The following RABEP1 variants were observed in gnomAD, a reference collection of about 807,000 sequenced individuals.
RABEP1 encodes the protein rab GTPase-binding effector protein 1.
In RABEP1, 51 loss-of-function variants were observed where a neutral mutation model predicts 123.4. The observed-to-expected ratio is 0.41, with a 90% CI of 0.33 to 0.52. The LOEUF is 0.52. RABEP1 is among the 20% of genes least tolerant of loss of function. RABEP1 has a pLI of 0.16. For synonymous variants in RABEP1, 347 were observed against 355.2 expected, an observed-to-expected ratio of 0.98 and a Z score of 0.26; for missense variants, 888 against 996.3, an observed-to-expected ratio of 0.89 and a Z score of 1.46.
At chr17:5,334,311 A>T (rs1299393756) in intron 3 of RABEP1, among the ~76,000 whole-genome samples, 1 of 151,730 alleles carries the variant, frequency 6.6e-6, no homozygotes. Flanking sequence ...GGCTCACTGC[A>T]ACCTCTGCCT....
intron 1 of RABEP1, among the ~76,000 whole-genome samples, chr17:5,282,821 G>T (rs538018738): frequency 1.1e-3 from 163 of 151,792 alleles, no homozygotes; most frequent in African/African-American, 3.6e-3. Flanking sequence ...TCTGGGTAGC[G>T]GGGGACCGGC....
At chr17:5,315,812 A>G (rs1328838926) in intron 2 of RABEP1, among the ~76,000 whole-genome samples, 4 of 152,204 alleles carry the variant, frequency 2.6e-5, no homozygotes, top group Non-Finnish European at 5.9e-5. Context: ...AAATTGCAGC[A>G]CTGCACTCCA....
chr17:5,365,780 C>T lies in RABEP1; in HGVS notation c.1785+542C>T, dbSNP rs548809050. Among the ~76,000 whole-genome samples the T allele has an allele frequency of 7.2e-5, 11 of 152,312 alleles. No homozygotes were observed. In the South Asian group the frequency reaches 8.3e-4, roughly 11 times the overall value. ...TTTAACTTTAGAAAATGAAGCCATA[C>T]GTTCTGTGTTCTTTTGCGTCTGTGT... is the stretch of plus-strand genomic sequence containing the variant. On this transcript the variant is annotated intron_variant, in intron 11 of 17. Coordinates refer to ENST00000537505, the MANE Select transcript of RABEP1 (RefSeq NM_004703.6).
At chr17:5,331,488 A>G (rs1906542035) in intron 2 of RABEP1, among the ~76,000 whole-genome samples, 3 of 152,216 alleles carry the variant, frequency 2.0e-5, no homozygotes, top group Non-Finnish European at 4.4e-5. Context: ...GAGCCGAGAA[A>G]TTAATGCTAA....
At chr17:5,375,478 G>A (rs1485215285) in intron 13 of RABEP1, among the ~76,000 whole-genome samples, 1 of 152,078 alleles carries the variant, frequency 6.6e-6, no homozygotes, top group Non-Finnish European at 1.5e-5. Flanking sequence ...GATTGCTTGA[G>A]GTCAGGAGTT....
At chr17:5,359,841 A>G (rs1909344980) in intron 8 of RABEP1, among the ~76,000 whole-genome samples, 1 of 152,208 alleles carries the variant, frequency 6.6e-6, no homozygotes, top group Non-Finnish European at 1.5e-5. Flanking sequence ...GTTGGAAGGA[A>G]AACTTGTTAC....
intron 11 of RABEP1, among the ~76,000 whole-genome samples, chr17:5,367,415 GCACC>G (rs1567547966): frequency 2.7e-5 from 4 of 150,346 alleles, no homozygotes; most frequent in Non-Finnish European, 3.0e-5. Flanking sequence ...GGGACTACAG[GCACC>G]CGCCACCACG....
Position 5,368,481 on chromosome 17 carries a change from T to A in RABEP1, c.1884+13T>A. 6.4e-7 allele frequency: 1 copy of A among 1,565,972 alleles called. No individual in the cohort carries two copies. Among genetic ancestry groups the A allele is most frequent in the Non-Finnish European group, 8.8e-7 (1 of 1,137,022 alleles). On this transcript the variant is annotated intron_variant, in intron 12 of 17. Transcript: ENST00000537505. ...TCAGGAACAGATGGTAAGTTTACAT[T>A]TTAAGTAAATGACAACTATGTTACT... is the stretch of plus-strand genomic sequence containing the variant.
At chr17:5,353,438 T>C (rs1283110690) in intron 7 of RABEP1, among the ~76,000 whole-genome samples, 1 of 152,234 alleles carries the variant, frequency 6.6e-6, no homozygotes, top group Non-Finnish European at 1.5e-5. Context: ...TACGTGACAC[T>C]GAAGGTATAA....
At position 5,385,538 on chromosome 17, in the gene RABEP1, C is replaced by A. The variant is rs1281339242; in HGVS notation, c.*2315C>A. ...ACTTAAGGTGAAGTGAGGACAAAATCACATTCTGCATACTAACCTATTTTT... is the reference window on the plus strand; with the variant it reads ...ACTTAAGGTGAAGTGAGGACAAAATAACATTCTGCATACTAACCTATTTTT... On this transcript the variant is annotated 3_prime_UTR_variant, in exon 18 of 18. Coordinates refer to ENST00000537505, the MANE Select transcript of RABEP1 (RefSeq NM_004703.6). 2.6e-5 allele frequency: 6 copies of A among 230,842 alleles called. No individual in the cohort carries two copies. The highest frequency in any genetic ancestry group is 5.1e-5 in the Non-Finnish European group (6 of 116,666). The allele number at this position is 230,842 out of a possible 1,614,324, so 14.3% of individuals were successfully genotyped here.
At chr17:5,375,865 T>C (rs1355044995) in intron 13 of RABEP1, among the ~76,000 whole-genome samples, 2 of 148,364 alleles carry the variant, frequency 1.3e-5, no homozygotes, top group African/African-American at 4.9e-5. Context: ...TATTTCATTT[T>C]ATTTATTTAT....
chr17:5,296,649 A>G (rs1373286051), intron 1 of RABEP1, among the ~76,000 whole-genome samples: 1 of 152,192 alleles, frequency 6.6e-6, no homozygotes, highest in Admixed American at 6.5e-5. Flanking sequence ...TAGTATAGAA[A>G]ATATTCTCTG....
intron 1 of RABEP1, among the ~76,000 whole-genome samples, chr17:5,303,059 T>C (rs1475057409): frequency 6.6e-6 from 1 of 152,146 alleles, no homozygotes; most frequent in Non-Finnish European, 1.5e-5. Flanking sequence ...ATTCTTTTAC[T>C]ACTCTGAATG....
chr17:5,378,045 T>G (rs1911143745), intron 14 of RABEP1, 132 bp from the exon 15 acceptor site: 1 of 655,450 alleles, frequency 1.5e-6, no homozygotes, highest in East Asian at 2.8e-5. Flanking sequence ...GGTGGTAATT[T>G]TGAGACAGCC....
chr17:5,354,577 ATGAGAAG>A (rs1239619043), intron 8 of RABEP1, 87 bp downstream of exon 8: 1 of 1,280,766 alleles, frequency 7.8e-7, no homozygotes, highest in Non-Finnish European at 1.1e-6. Flanking sequence ...CATTGTTCAT[ATGAGAAG>A]TGAGAAGTGC....
chr17:5,330,762 C>T (rs1229688542), intron 2 of RABEP1, among the ~76,000 whole-genome samples: 1 of 152,048 alleles, frequency 6.6e-6, no homozygotes, highest in African/African-American at 2.4e-5. Context: ...GTGGCTCACA[C>T]CTGTAATCCC....
intron 2 of RABEP1, among the ~76,000 whole-genome samples, chr17:5,312,956 A>T (rs1031532377): frequency 6.6e-5 from 10 of 152,050 alleles, no homozygotes; most frequent in African/African-American, 2.4e-4. Flanking sequence ...AAAATACAAA[A>T]ATTAGCTGGG....
chr17:5,295,493 T>TG (rs1380634624), intron 1 of RABEP1, among the ~76,000 whole-genome samples: 1 of 152,142 alleles, frequency 6.6e-6, no homozygotes, highest in Non-Finnish European at 1.5e-5. Context: ...TTGTTTTTAT[T>TG]TTTTTCTATT....
At chr17:5,340,647 A>AAAG (rs1907514440) in intron 5 of RABEP1, among the ~76,000 whole-genome samples, 2 of 151,620 alleles carry the variant, frequency 1.3e-5, no homozygotes, top group South Asian at 4.2e-4. Context: ...TTTAAAAAAA[A>AAAG]AAAAAAAGTA....
Sources: allele counts gnomAD v4.1 joint callset (sites outside exome capture counted in the v4.1 genomes callset), GRCh38; gene constraint gnomAD v4.1.1; transcripts MANE v1.5; gene names NCBI Gene and HGNC (gene_info 2026-07-23, HGNC 2026-07-21).